Variants in RGS7 observed in about 807,000 individuals in gnomAD.
RGS7 encodes regulator of G-protein signaling 7.
A neutral mutation model predicts 81.1 loss-of-function variants in RGS7; 27 were observed. That is an observed-to-expected ratio of 0.33 (90% CI 0.25 to 0.46). RGS7 has a LOEUF of 0.46. Among genes scored for constraint, RGS7 ranks in the 20% least tolerant of loss-of-function variants. The pLI is 1.00. For missense variants in RGS7, 396 were observed against 607.4 expected (o/e 0.65, Z 3.66); for synonymous variants, 208 against 207.7 (o/e 1.00, Z -0.01).
intron 2 of RGS7, among the ~76,000 whole-genome samples, chr1:241,178,125 A>G (rs1002843940): frequency 1.3e-5 from 2 of 152,014 alleles, no homozygotes; most frequent in African/African-American, 4.8e-5. Flanking sequence ...TGTCTCTACA[A>G]AAAAGATAGA....
At chr1:241,278,150 G>T (rs1025895029) in intron 2 of RGS7, among the ~76,000 whole-genome samples, 3 of 151,924 alleles carry the variant, frequency 2.0e-5, no homozygotes, top group African/African-American at 4.8e-5. Flanking sequence ...TTTGATGTTC[G>T]TATTTTTTTC....
chr1:241,291,382 G>C (rs1440748836), intron 2 of RGS7, among the ~76,000 whole-genome samples: 1 of 152,060 alleles, frequency 6.6e-6, no homozygotes, highest in Non-Finnish European at 1.5e-5. Context: ...ATGATACTCT[G>C]GTTTAAAAAT....
intron 2 of RGS7, among the ~76,000 whole-genome samples, chr1:241,113,241 G>C (rs564213269): frequency 6.6e-6 from 1 of 152,144 alleles, no homozygotes; most frequent in South Asian, 2.1e-4. Context: ...ATGAAGAAAT[G>C]AATAAAAAAT....
chr1:240,807,806 G>A (rs528286031), intron 14 of RGS7, among the ~76,000 whole-genome samples: 107 of 152,058 alleles, frequency 7.0e-4, no homozygotes, highest in African/African-American at 2.5e-3. Flanking sequence ...AGGCTGAGGC[G>A]GGCAGATAAC....
intron 2 of RGS7, among the ~76,000 whole-genome samples, chr1:241,296,174 GGGA>G (rs2079411181): frequency 6.6e-6 from 1 of 152,066 alleles, no homozygotes; most frequent in Non-Finnish European, 1.5e-5. Flanking sequence ...GAGCAGGAGA[GGGA>G]GGAGGAGGAA....
At chr1:241,256,118 C>A (rs1403277208) in intron 2 of RGS7, among the ~76,000 whole-genome samples, 1 of 152,132 alleles carries the variant, frequency 6.6e-6, no homozygotes, top group African/African-American at 2.4e-5. Context: ...AATTCTCTAG[C>A]CACACCTCCC....
intron 3 of RGS7, among the ~76,000 whole-genome samples, chr1:240,996,684 ATGT>A (rs1687338265): frequency 6.6e-6 from 1 of 151,932 alleles, no homozygotes; most frequent in South Asian, 2.1e-4. Context: ...CAACCTGACT[ATGT>A]TGTTATATTT....
chr1:241,050,485 C>G (rs149766163), intron 3 of RGS7, among the ~76,000 whole-genome samples: 104 of 152,158 alleles, frequency 6.8e-4, no homozygotes, highest in African/African-American at 2.4e-3. Context: ...TGTGGTCTTT[C>G]TTGTAATTAT....
At chr1:240,842,365 A>T (rs1658222352) in intron 9 of RGS7, among the ~76,000 whole-genome samples, 1 of 150,952 alleles carries the variant, frequency 6.6e-6, no homozygotes, top group Non-Finnish European at 1.5e-5. Context: ...TGCCCAGCTA[A>T]TTTTTATATT....
At chr1:241,180,639 T>G (rs1269129247) in intron 2 of RGS7, among the ~76,000 whole-genome samples, 2 of 152,194 alleles carry the variant, frequency 1.3e-5, no homozygotes, top group African/African-American at 4.8e-5. Context: ...ACATTTTCTA[T>G]CCCTGTAATT....
intron 5 of RGS7, among the ~76,000 whole-genome samples, chr1:240,932,315 A>G (rs1675588780): frequency 6.6e-6 from 1 of 152,164 alleles, no homozygotes. Flanking sequence ...TTCTGAAGAA[A>G]GAAAAAAAGA....
At chr1:241,117,061 G>A (rs1484330606) in intron 2 of RGS7, among the ~76,000 whole-genome samples, 1 of 152,048 alleles carries the variant, frequency 6.6e-6, no homozygotes. Context: ...GTATATGGGG[G>A]CACATTTGCA....
intron 2 of RGS7, among the ~76,000 whole-genome samples, chr1:241,240,024 A>G (rs1266833000): frequency 6.6e-6 from 1 of 152,204 alleles, no homozygotes; most frequent in Non-Finnish European, 1.5e-5. Context: ...GATAGACATT[A>G]TAGAAACAGA....
At chr1:241,203,800 C>T (rs557990743) in intron 2 of RGS7, among the ~76,000 whole-genome samples, 3 of 152,140 alleles carry the variant, frequency 2.0e-5, no homozygotes, top group East Asian at 3.9e-4. Context: ...TTTATTCGTT[C>T]GTTCATGGCA....
At chr1:241,257,974 G>C (rs940236878) in intron 2 of RGS7, among the ~76,000 whole-genome samples, 2 of 152,146 alleles carry the variant, frequency 1.3e-5, no homozygotes, top group Admixed American at 1.3e-4. Context: ...ATAGTATAAA[G>C]GTATTATAAT....
intron 2 of RGS7, among the ~76,000 whole-genome samples, chr1:241,129,264 C>CAAAAA (rs369999096): frequency 1.4e-5 from 2 of 145,764 alleles, no homozygotes; most frequent in Non-Finnish European, 1.5e-5. Flanking sequence ...AACAAACAAA[C>CAAAAA]AAACAAAAAA....
At position 241,271,998 on chromosome 1, in the gene RGS7, TA is replaced by T. The variant is rs374853619; in HGVS notation, c.78+83700del. On this transcript the variant is annotated intron_variant, in intron 2 of 18. Transcript: ENST00000440928. The surrounding 1 kb of genome is among the most constrained non-coding windows in gnomAD (Gnocchi z 4.6). ...ACTAGAATTTCTTTTTTTTTTTTTT[TA>T]TTTTTATTTTTTGAGATGGAGTCTC... Among the ~76,000 whole-genome samples the T allele has an allele frequency of 0.087, 7,724 of 88,492 alleles. 455 individuals carry two copies. Among genetic ancestry groups the T allele is most frequent in the African/African-American group, 0.18 (5,272 of 29,680 alleles). The allele number at this position is 88,492 out of a possible 152,430, so 58.1% of individuals were successfully genotyped here. A position where few individuals can be genotyped will look rare whatever the true frequency, so the allele number is the denominator to read the frequency against.
chr1:241,250,941 C>A (rs1471361408), intron 2 of RGS7, among the ~76,000 whole-genome samples: 1 of 152,126 alleles, frequency 6.6e-6, no homozygotes, highest in African/African-American at 2.4e-5. Context: ...AGGGACTATG[C>A]CTTGCTCATC....
intron 2 of RGS7, among the ~76,000 whole-genome samples, chr1:241,259,667 A>ATATATAT (rs1553302296): frequency 4.1e-5 from 2 of 49,146 alleles, no homozygotes; most frequent in African/African-American, 1.6e-4. Flanking sequence ...AAAAAAAAAA[A>ATATATAT]ATATATATAT....
Sources: allele counts gnomAD v4.1 joint callset (sites outside exome capture counted in the v4.1 genomes callset), GRCh38; gene constraint gnomAD v4.1.1; non-coding constraint Gnocchi (gnomAD v3.1); transcripts MANE v1.5; gene names NCBI Gene and HGNC (gene_info 2026-07-23, HGNC 2026-07-21).